Variants in PTPRJ observed in about 807,000 individuals in gnomAD.
PTPRJ encodes the protein protein tyrosine phosphatase receptor type J.
Under a neutral mutation model 141.3 loss-of-function variants are expected in PTPRJ, and 129 were observed. The ratio of observed to expected loss-of-function variants is 0.91; its 90% confidence interval spans 0.79 to 1.06. The LOEUF (loss-of-function observed/expected upper bound fraction) is 1.06, where lower values mean the gene tolerates loss of function less well. PTPRJ is among the 50% of genes least tolerant of loss of function. The pLI, the probability that PTPRJ is intolerant of heterozygous loss-of-function variation, is 0.00. For synonymous variants in PTPRJ, 610 were observed against 640.5 expected (o/e 0.95, Z 0.72); for missense variants, 1,601 against 1,679.7 (o/e 0.95, Z 0.82).
At chr11:48,103,710 G>A (rs192351779) in intron 1 of PTPRJ, among the ~76,000 whole-genome samples, 591 of 152,284 alleles carry the variant, frequency 3.9e-3, no homozygotes, top group South Asian at 5.0e-3. Flanking sequence ...CTCTATACCC[G>A]TATGTATGGA....
At chr11:48,079,574 A>G (rs1355829181) in intron 1 of PTPRJ, among the ~76,000 whole-genome samples, 2 of 152,110 alleles carry the variant, frequency 1.3e-5, no homozygotes, top group Non-Finnish European at 2.9e-5. Flanking sequence ...TCAAAGGCCC[A>G]CACCTAACTC....
intron 1 of PTPRJ, among the ~76,000 whole-genome samples, chr11:48,050,965 A>G (rs988947189): frequency 1.3e-5 from 2 of 151,528 alleles, no homozygotes; most frequent in African/African-American, 4.9e-5. Flanking sequence ...GAAATAGCTC[A>G]CTTGCCAGTT....
At chr11:48,092,278 G>A (rs1344340494) in intron 1 of PTPRJ, among the ~76,000 whole-genome samples, 33 of 90,218 alleles carry the variant, frequency 3.7e-4, no homozygotes, top group Admixed American at 9.1e-4. Flanking sequence ...CTGGGCCACA[G>A]AGCAAGATTT....
intron 1 of PTPRJ, among the ~76,000 whole-genome samples, chr11:47,981,574 G>A (rs900319843): frequency 6.6e-6 from 1 of 152,246 alleles, no homozygotes; most frequent in African/African-American, 2.4e-5. Context: ...GGAAAAGGTG[G>A]CCGCACGCTG....
chr11:48,045,894 C>T (rs1565274368), intron 1 of PTPRJ, among the ~76,000 whole-genome samples: 1 of 152,142 alleles, frequency 6.6e-6, no homozygotes, highest in Non-Finnish European at 1.5e-5. Context: ...TGATCGTGTT[C>T]AACCATTAGT....
At chr11:48,147,075 C>G (rs995046988) in intron 15 of PTPRJ, 112 bp downstream of exon 15, 8 of 907,078 alleles carry the variant, frequency 8.8e-6, no homozygotes, top group Non-Finnish European at 1.3e-5. Flanking sequence ...GCGCCATGTT[C>G]CCTTCACCCA....
intron 3 of PTPRJ, among the ~76,000 whole-genome samples, chr11:48,116,351 G>T (rs1856566528): frequency 6.6e-6 from 1 of 152,098 alleles, no homozygotes; most frequent in East Asian, 1.9e-4. Flanking sequence ...AATGATAAAG[G>T]GATCAATTCA....
At chr11:48,109,691 C>T (rs755937144) in intron 1 of PTPRJ, among the ~76,000 whole-genome samples, 1 of 134,934 alleles carries the variant, frequency 7.4e-6, no homozygotes, top group African/African-American at 2.7e-5. Context: ...ACAATCTGGT[C>T]TCTGCTTCTG....
chr11:47,988,544 A>G (rs1490385508), intron 1 of PTPRJ, among the ~76,000 whole-genome samples: 1 of 151,986 alleles, frequency 6.6e-6, no homozygotes, highest in Admixed American at 6.6e-5. Flanking sequence ...ATTTACTACA[A>G]TTTATTTGAC....
chr11:48,002,232 G>A (rs1854517764), intron 1 of PTPRJ, among the ~76,000 whole-genome samples: 1 of 151,568 alleles, frequency 6.6e-6, no homozygotes, highest in African/African-American at 2.4e-5. Flanking sequence ...CTGCTTCCCG[G>A]GTTCAAGTGA....
Position 48,136,223 on chromosome 11 carries a change from C to G in PTPRJ, c.1800C>G (p.Thr600=). The change falls in exon 9 of 25, where the codon ACC becomes ACG. Residue 600 remains threonine, a synonymous_variant. Transcript: ENST00000418331. ...CTCTCCAGGGCCTGATTCCGGGCAC[C>G]TTATATAACATCACCATCTCTCCAG... The part of the protein sequence containing the change: ...AITLQGLIPG[T]LYNITISPEV... The G allele has an allele frequency of 6.2e-7, 1 of 1,614,204 alleles. No homozygotes were observed. Among genetic ancestry groups the G allele is most frequent in the Non-Finnish European group, 8.5e-7 (1 of 1,180,036 alleles).
chr11:47,995,066 G>A (rs1052371951), intron 1 of PTPRJ, among the ~76,000 whole-genome samples: 1 of 152,146 alleles, frequency 6.6e-6, no homozygotes, highest in Non-Finnish European at 1.5e-5. Context: ...ATTCCATTAT[G>A]TGGAGGTACC....
At chr11:48,136,914 G>A (rs1367871010) in intron 9 of PTPRJ, 89 bp from the exon 10 acceptor site, 20 of 1,330,580 alleles carry the variant, frequency 1.5e-5, no homozygotes, top group Non-Finnish European at 1.5e-5. Flanking sequence ...TTTCTAAAAC[G>A]AGCCAGGCTA....
Position 48,131,438 on chromosome 11 carries a change from T to C in PTPRJ, c.1615+722T>C, listed in dbSNP as rs889321302. On this transcript the variant is annotated intron_variant, in intron 8 of 24. Transcript: ENST00000418331. ...ATTGAGGCCATCTGTACATGTGGTT[T>C]TGTAATCTGCCTTTTCCCCAACTTG... 6.5e-6 allele frequency: 5 copies of C among 765,468 alleles called. No individual in the cohort carries two copies. The African/African-American group carries it at 8.6e-5, about 13-fold the overall frequency. The allele number at this position is 765,468 out of a possible 1,614,324, so 47.4% of individuals were successfully genotyped here. A position where few individuals can be genotyped will look rare whatever the true frequency, so the allele number is the denominator to read the frequency against.
intron 1 of PTPRJ, among the ~76,000 whole-genome samples, chr11:48,096,307 G>C (rs948337752): frequency 6.6e-6 from 1 of 152,166 alleles, no homozygotes; most frequent in Admixed American, 6.5e-5. Flanking sequence ...TCCTGACCTT[G>C]GTATGAAAAC....
chr11:48,167,613 T>G lies in PTPRJ; in HGVS notation c.*251T>G. The G allele has an allele frequency of 2.9e-6, 1 of 350,578 alleles. No homozygotes were observed. The highest frequency in any genetic ancestry group is 5.1e-6 in the Non-Finnish European group (1 of 197,448). The allele number at this position is 350,578 out of a possible 1,614,324, so 21.7% of individuals were successfully genotyped here. On this transcript the variant is annotated 3_prime_UTR_variant, in exon 25 of 25. Transcript: ENST00000418331. ...TGGGATGAGGTCACTTTTTTTTTTT[T>G]TCCCCCTTGAGGATTGTGGAAAACC...
chr11:48,156,575 GGTTTTTTTTTTTTTT>G (rs1857610962), intron 21 of PTPRJ, among the ~76,000 whole-genome samples: 3 of 123,542 alleles, frequency 2.4e-5, no homozygotes, highest in Admixed American at 8.3e-5. Flanking sequence ...TCCACCCCAG[GGTTTTTTTTTTTTTT>G]TTTTTTTTTT....
chr11:48,049,559 A>ACAAAACAAAG (rs1555035767), intron 1 of PTPRJ, among the ~76,000 whole-genome samples: 8 of 149,376 alleles, frequency 5.4e-5, no homozygotes, highest in Non-Finnish European at 1.0e-4. Context: ...ACAAAACAAA[A>ACAAAACAAAG]CAAAACAAGT....
chr11:48,039,458 C>A lies in PTPRJ; in HGVS notation c.96+58450C>A, dbSNP rs1334678310. Among the ~76,000 whole-genome samples the A allele has an allele frequency of 3.0e-5, 4 of 135,274 alleles. No individual in the cohort carries two copies. The East Asian group carries it at 8.9e-4, about 30-fold the overall frequency. 88.7% of individuals were successfully genotyped at this position (135,274 alleles called of 152,430 possible). On this transcript the variant is annotated intron_variant, in intron 1 of 24. Transcript: ENST00000418331. ...TACCATATAACTTTGCCAAATACAA[C>A]ACTATGGTGTGTGTGTGTGTGTGTG... is the stretch of plus-strand genomic sequence containing the variant.
Sources: gnomAD v4.1 joint callset for allele counts (sites outside exome capture counted in the v4.1 genomes callset) on GRCh38, gnomAD v4.1.1 for gene constraint, MANE v1.5 for transcripts, NCBI Gene and HGNC (gene_info 2026-07-23, HGNC 2026-07-21) for gene names.